TOR1AIP2: variants seen among roughly 807,000 people sequenced by gnomAD.
TOR1AIP2 encodes torsin 1A interacting protein 2, also known as torsin-1A-interacting protein 2.
A neutral mutation model predicts 32.6 loss-of-function variants in TOR1AIP2; 20 were observed. The observed-to-expected ratio is 0.61, with a 90% confidence interval of 0.43 to 0.89. TOR1AIP2 has a LOEUF of 0.89. Ranked by LOEUF, TOR1AIP2 falls within the 40% of genes least tolerant of loss-of-function variation. TOR1AIP2 has a pLI of 0.00. For synonymous variants in TOR1AIP2, 214 were observed against 210.8 expected, an observed-to-expected ratio of 1.02 and a Z score of -0.13; for missense variants, 456 against 553.8, an observed-to-expected ratio of 0.82 and a Z score of 1.77.
rs144531054 is a variant in TOR1AIP2 at position 179,870,125 on chromosome 1, G to A, written c.-565-4271C>T. The stretch of plus-strand genomic sequence containing the variant: ...TGTAAAAATCTTTACGGCTGGGCAC[G>A]GTGGTTTACGCCTGTAATCCCAGCA... On this transcript the variant is annotated intron_variant, in intron 2 of 6. Coordinates refer to ENST00000609928, the MANE Select transcript of TOR1AIP2 (RefSeq NM_001199260.2). Among the ~76,000 whole-genome samples the A allele has an allele frequency of 5.2e-3, 795 of 152,298 alleles. 8 individuals carry two copies. The highest frequency in any genetic ancestry group is 0.02 in the South Asian group (98 of 4,818).
chr1:179,867,968 C>T (rs967345461), intron 2 of TOR1AIP2: 1 of 152,258 alleles, frequency 6.6e-6, no homozygotes, highest in African/African-American at 2.4e-5. Flanking sequence ...TTACCAGCTT[C>T]CTCACTCATT....
At chr1:179,874,584 G>C (rs566505448) in intron 2 of TOR1AIP2, 1 of 151,974 alleles carries the variant, frequency 6.6e-6, no homozygotes, top group African/African-American at 2.4e-5. Context: ...GCAACATATC[G>C]AGACCTTGTT....
chr1:179,868,252 A>G (rs928191932), intron 2 of TOR1AIP2: 15 of 152,198 alleles, frequency 9.9e-5, no homozygotes, highest in African/African-American at 3.6e-4. Context: ...AAGTACTACT[A>G]GGCTTGCTTT....
rs781038841 is a variant in TOR1AIP2 at position 179,850,827 on chromosome 1, T to C, written c.553+18A>G. 6.2e-7 allele frequency: 1 copy of C among 1,608,804 alleles called. No individual in the cohort carries two copies. On this transcript the variant is annotated intron_variant, in intron 5 of 6. Coordinates refer to ENST00000609928, the MANE Select transcript of TOR1AIP2 (RefSeq NM_001199260.2). ...AGAGCAGTACAAAACAGGAGAGTAGTTCAGGGGGTTCTCTTACCTGGGGCC... is the reference window on the plus strand; with the variant it reads ...AGAGCAGTACAAAACAGGAGAGTAGCTCAGGGGGTTCTCTTACCTGGGGCC...
At chr1:179,875,576 A>T (rs1647248677) in intron 2 of TOR1AIP2, 1 of 152,166 alleles carries the variant, frequency 6.6e-6, no homozygotes, top group Non-Finnish European at 1.5e-5. Context: ...ATAGATACTC[A>T]TGGTCAAGGG....
intron 6 of TOR1AIP2, among the ~76,000 whole-genome samples, chr1:179,847,121 GTTA>G (rs1221048610): frequency 6.6e-6 from 1 of 152,154 alleles, no homozygotes; most frequent in Non-Finnish European, 1.5e-5. Context: ...CTATGTATTT[GTTA>G]TTATAACTAA....
In TOR1AIP2 at chr1:179,840,745, G is replaced by C. The variant is rs547553728; in HGVS notation, c.*5326C>G. The C allele has an allele frequency of 2.0e-5, 3 of 151,756 alleles. No homozygotes were observed. Among genetic ancestry groups the C allele is most frequent in the Admixed American group, 1.3e-4 (2 of 15,234 alleles). 9.4% of individuals were successfully genotyped at this position (151,756 alleles called of 1,614,324 possible). On this transcript the variant is annotated 3_prime_UTR_variant, in exon 7 of 7. Coordinates refer to ENST00000609928, the MANE Select transcript of TOR1AIP2 (RefSeq NM_001199260.2). ...AACATCACACACTGGGGCCTGTCAG[G>C]GGGTGGGGGGCTGGGGGAGGGATAG...
At position 179,862,138 on chromosome 1, in the gene TOR1AIP2, A is replaced by G. The variant is rs375063280; in HGVS notation, c.-147+3298T>C. 84 of 985,148 alleles carry G rather than the reference A, an allele frequency of 8.5e-5. 2 individuals are homozygous for G. In the South Asian group the frequency reaches 3.4e-3, roughly 40 times the overall value. The allele number at this position is 985,148 out of a possible 1,614,324, so 61.0% of individuals were successfully genotyped here. A position where few individuals can be genotyped will look rare whatever the true frequency, so the allele number is the denominator to read the frequency against. ...GCTTAGGTATTGATTTGAGAAATCAATGATATAAATCCTTTTAATCTGATC... is the reference window on the plus strand; with the variant it reads ...GCTTAGGTATTGATTTGAGAAATCAGTGATATAAATCCTTTTAATCTGATC... On this transcript the variant is annotated intron_variant, in intron 3 of 6. Coordinates refer to ENST00000609928, the MANE Select transcript of TOR1AIP2 (RefSeq NM_001199260.2).
rs115060694 is a variant in TOR1AIP2, at chr1:179,846,595, T to C, written c.889A>G (p.Ile297Val). Residue 297 changes from isoleucine to valine, a missense_variant, in exon 7 of 7, where the codon ATA becomes GTA. By Grantham distance (29) the Ile-to-Val change is conservative (BLOSUM62 3). Transcript: ENST00000609928. ...CTTCCCTCCCGAGCTGCTGTAAATA[T>C]GATGGTGGCTGGCTCAGTGGGGTTG... Reference protein sequence around the residue: ...ASNPTEPATIIFTAAREGRET... With the variant: ...ASNPTEPATIVFTAAREGRET... 1.6e-4 allele frequency: 255 copies of C among 1,614,110 alleles called. No individual in the cohort carries two copies. The African/African-American group carries it at 3.1e-3, about 19-fold the overall frequency.
chr1:179,856,693 C>T (rs895798047), intron 3 of TOR1AIP2, among the ~76,000 whole-genome samples: 5 of 152,080 alleles, frequency 3.3e-5, no homozygotes, highest in African/African-American at 9.7e-5. Flanking sequence ...CTTGGCTCAC[C>T]GCAACCTCCA....
At chr1:179,865,911 T>C (rs1696752840) in intron 2 of TOR1AIP2, 57 bp from the exon 3 acceptor site, 1 of 152,626 alleles carries the variant, frequency 6.6e-6, no homozygotes, top group South Asian at 2.1e-4. Flanking sequence ...CACATTATTA[T>C]TAGAAACATG....
At chr1:179,863,211 G>C in intron 3 of TOR1AIP2, 1 of 930,896 alleles carries the variant, frequency 1.1e-6, no homozygotes, top group Non-Finnish European at 1.2e-6. Flanking sequence ...GCGACAGAGT[G>C]AGACTCTGTC....
intron 3 of TOR1AIP2, chr1:179,865,192 C>A: frequency 6.3e-7 from 1 of 1,575,950 alleles, no homozygotes; most frequent in Non-Finnish European, 8.6e-7. Context: ...CCTAGAAAGA[C>A]AACACAGACA....
chr1:179,852,712 C>T lies in TOR1AIP2; in HGVS notation c.-47G>A, dbSNP rs1696165334. 5 of 1,613,056 alleles carry T rather than the reference C, an allele frequency of 3.1e-6. No homozygotes were observed. In the East Asian group the frequency reaches 8.9e-5, roughly 29 times the overall value. ...AGTTGGGAGGATACTTTTTTTAGTA[C>T]TTGGTTTTCCTTGTGAAGATGTCTT... On this transcript the variant is annotated 5_prime_UTR_variant, in exon 4 of 7. Coordinates refer to ENST00000609928, the MANE Select transcript of TOR1AIP2 (RefSeq NM_001199260.2).
rs545785871 is a variant in TOR1AIP2 at position 179,871,415 on chromosome 1, CAACT to C, written c.-565-5565_-565-5562del. On this transcript the variant is annotated intron_variant, in intron 2 of 6. Coordinates refer to ENST00000609928, the MANE Select transcript of TOR1AIP2 (RefSeq NM_001199260.2). ...CTATTTAATCCACTGAAATTTACAT[CAACT>C]AACCATGGCAACTTTTTAATTAACT... is the stretch of plus-strand genomic sequence containing the variant. Among the ~76,000 whole-genome samples the C allele has an allele frequency of 2.3e-4, 35 of 152,278 alleles. No individual in the cohort carries two copies. The East Asian group carries it at 5.0e-3, about 22-fold the overall frequency.
intron 3 of TOR1AIP2, chr1:179,865,219 A>G: frequency 7.1e-6 from 11 of 1,548,104 alleles, no homozygotes; most frequent in Non-Finnish European, 9.6e-6. Flanking sequence ...TGACAGCAAG[A>G]GACAACAGTG....
rs545469848 is a variant in TOR1AIP2 at position 179,841,525 on chromosome 1, T to C, written c.*4546A>G. On this transcript the variant is annotated 3_prime_UTR_variant, in exon 7 of 7. Transcript: ENST00000609928. ...TGGCATAATTCCTGAAGTAGGAGGA[T>C]CATCCCCTTGAGGCCAGGAGGTCCA... 1.3e-5 allele frequency: 2 copies of C among 152,340 alleles called. No homozygotes were observed. The highest frequency in any genetic ancestry group is 4.1e-4 in the South Asian group (2 of 4,834). 9.4% of individuals were successfully genotyped at this position (152,340 alleles called of 1,614,324 possible). A position where few individuals can be genotyped will look rare whatever the true frequency, so the allele number is the denominator to read the frequency against.
At chr1:179,870,332 G>C (rs1696965786) in intron 2 of TOR1AIP2, among the ~76,000 whole-genome samples, 1 of 152,044 alleles carries the variant, frequency 6.6e-6, no homozygotes, top group Admixed American at 6.5e-5. Context: ...CCAGGAGGCG[G>C]AGCTTGCAGT....
chr1:179,846,361 T>TG lies in TOR1AIP2; in HGVS notation c.1122dup (p.Thr375HisfsTer6). On this transcript the variant is annotated frameshift_variant, in exon 7 of 7. Transcript: ENST00000609928. LOFTEE classifies it high-confidence loss of function. The stretch of plus-strand genomic sequence containing the variant: ...TCACAATACTTATAGAAGATCAAAG[T>TG]GGAGCCGGCAGGGAAGGATTCGAAG... 6.2e-7 allele frequency: 1 copy of TG among 1,614,226 alleles called. No individual in the cohort carries two copies. The highest frequency in any genetic ancestry group is 8.5e-7 in the Non-Finnish European group (1 of 1,180,040).
Sources: gnomAD v4.1 joint callset for allele counts (sites outside exome capture counted in the v4.1 genomes callset) on GRCh38, gnomAD v4.1.1 for gene constraint, MANE v1.5 for transcripts, NCBI Gene and HGNC (gene_info 2026-07-23, HGNC 2026-07-21) for gene names.